COL25A1: variants seen among roughly 807,000 people sequenced by gnomAD.
COL25A1 encodes the protein collagen alpha-1(XXV) chain.
A neutral mutation model predicts 128.4 loss-of-function variants in COL25A1; 103 were observed. That is an observed-to-expected ratio of 0.80 (90% CI 0.68 to 0.94). The LOEUF (loss-of-function observed/expected upper bound fraction) is 0.94, where lower values mean the gene tolerates loss of function less well. Among genes scored for constraint, COL25A1 ranks in the 40% least tolerant of loss-of-function variants. The pLI, the probability that COL25A1 is intolerant of heterozygous loss-of-function variation, is 0.00. For synonymous variants in COL25A1, 279 were observed against 277.2 expected (o/e 1.01, Z -0.06); for missense variants, 745 against 840.0 (o/e 0.89, Z 1.40).
rs1771463151 is a variant in COL25A1 at position 109,151,143 on chromosome 4, T to C, written c.368-100964A>G. On this transcript the variant is annotated intron_variant, in intron 3 of 37. Transcript: ENST00000399132. ...AAAAACAGTATATACATTGTGAATA[T>C]ATAAAATGCACCTAAATTGCATGCT... 2.0e-5 allele frequency among the ~76,000 whole-genome samples: 3 copies of C among 152,268 alleles called. No individual in the cohort carries two copies. The South Asian group carries it at 6.2e-4, about 32-fold the overall frequency.
intron 3 of COL25A1, among the ~76,000 whole-genome samples, chr4:109,192,605 A>T (rs922215967): frequency 9.9e-5 from 15 of 152,228 alleles, no homozygotes; most frequent in Admixed American, 6.5e-5. Flanking sequence ...CTATAATCCC[A>T]GCACTTTGGG....
At chr4:108,819,189 G>T in intron 36 of COL25A1, 63 bp downstream of exon 36, 2 of 1,267,782 alleles carry the variant, frequency 1.6e-6, no homozygotes, top group Non-Finnish European at 2.2e-6. Context: ...TACACTGATA[G>T]AGATGAACAT....
At chr4:109,021,893 G>A (rs1035778051) in intron 5 of COL25A1, 2 of 366,222 alleles carry the variant, frequency 5.5e-6, no homozygotes, top group African/African-American at 2.1e-5. Context: ...GGAAACCCCA[G>A]CCCTGGTAAA....
At chr4:108,878,074 C>G (rs1739674925) in intron 19 of COL25A1, among the ~76,000 whole-genome samples, 1 of 152,034 alleles carries the variant, frequency 6.6e-6, no homozygotes, top group Non-Finnish European at 1.5e-5. Context: ...TCAGGTGTTT[C>G]TCTATAAACT....
At chr4:109,023,912 C>A (rs1376739209) in intron 5 of COL25A1, among the ~76,000 whole-genome samples, 1 of 152,134 alleles carries the variant, frequency 6.6e-6, no homozygotes, top group Non-Finnish European at 1.5e-5. Flanking sequence ...AGATTGATAA[C>A]CCTGTTGCTG....
At chr4:109,208,276 T>C (rs1777171849) in intron 3 of COL25A1, among the ~76,000 whole-genome samples, 1 of 152,140 alleles carries the variant, frequency 6.6e-6, no homozygotes, top group African/African-American at 2.4e-5. Flanking sequence ...ATCCGAGCAA[T>C]CCAGCACACC....
chr4:109,249,357 C>T (rs1409849827), intron 3 of COL25A1, among the ~76,000 whole-genome samples: 1 of 146,340 alleles, frequency 6.8e-6, no homozygotes, highest in East Asian at 2.2e-4. Flanking sequence ...TTACCCAGAA[C>T]ATAATGTAGT....
At chr4:109,018,390 A>C (rs893513400) in intron 5 of COL25A1, among the ~76,000 whole-genome samples, 1 of 152,044 alleles carries the variant, frequency 6.6e-6, no homozygotes, top group African/African-American at 2.4e-5. Context: ...ACTCCCAGAA[A>C]ATTTTTTATA....
intron 3 of COL25A1, among the ~76,000 whole-genome samples, chr4:109,242,306 T>C (rs968378407): frequency 6.6e-6 from 1 of 152,104 alleles, no homozygotes; most frequent in Non-Finnish European, 1.5e-5. Context: ...TTTAGCCCCA[T>C]TTTTTAAAGG....
rs1307194401 is a variant in COL25A1 at position 108,813,931 on chromosome 4, T to G, written c.1963-2A>C. ...ATGCTTGAAAGGTTAGATTCATCAC[T>G]GCAGAAAAAGACAACAAAAAGACAA... is the stretch of plus-strand genomic sequence containing the variant. On this transcript the variant is annotated splice_acceptor_variant, in intron 37 of 37. Transcript: ENST00000399132. LOFTEE classifies it high-confidence loss of function. The G allele has an allele frequency of 6.3e-7, 1 of 1,593,002 alleles. No homozygotes were observed. The highest frequency in any genetic ancestry group is 8.6e-7 in the Non-Finnish European group (1 of 1,162,576).
At chr4:109,048,653 C>T (rs17039710) in intron 4 of COL25A1, among the ~76,000 whole-genome samples, 1 of 152,054 alleles carries the variant, frequency 6.6e-6, no homozygotes, top group African/African-American at 2.4e-5. Flanking sequence ...TAGGTCCTCA[C>T]GTTTATGTAA....
intron 6 of COL25A1, among the ~76,000 whole-genome samples, chr4:108,989,129 T>G (rs1286829102): frequency 6.6e-6 from 1 of 152,238 alleles, no homozygotes; most frequent in Non-Finnish European, 1.5e-5. Context: ...TGCACTTTAT[T>G]CAGGGTCCTG....
At chr4:109,232,251 GCA>G (rs1779208408) in intron 3 of COL25A1, among the ~76,000 whole-genome samples, 1 of 152,002 alleles carries the variant, frequency 6.6e-6, no homozygotes, top group South Asian at 2.1e-4. Context: ...TAAGTCTTTG[GCA>G]CAATATACTT....
At chr4:108,971,560 G>A (rs1188164370) in intron 8 of COL25A1, among the ~76,000 whole-genome samples, 2 of 152,164 alleles carry the variant, frequency 1.3e-5, no homozygotes, top group Non-Finnish European at 2.9e-5. Context: ...CGAGTTGGGT[G>A]AAAGTGCAGT....
intron 11 of COL25A1, among the ~76,000 whole-genome samples, chr4:108,925,838 T>C (rs939513097): frequency 1.3e-5 from 2 of 152,092 alleles, no homozygotes; most frequent in Admixed American, 1.3e-4. Context: ...TCCATATGAA[T>C]ACAGCAAAGC....
intron 31 of COL25A1, among the ~76,000 whole-genome samples, chr4:108,836,550 T>A (rs116827817): frequency 0.033 from 5,029 of 152,086 alleles, 119 homozygotes; most frequent in Middle Eastern, 0.082. Context: ...TTTTTAAAAA[T>A]AAAGCGCTTG....
chr4:109,086,122 G>A (rs1764347167), intron 3 of COL25A1, among the ~76,000 whole-genome samples: 1 of 152,162 alleles, frequency 6.6e-6, no homozygotes, highest in South Asian at 2.1e-4. Flanking sequence ...CATTTTTTTA[G>A]AAGAAATTCA....
At chr4:108,831,940 C>A (rs989546223) in intron 32 of COL25A1, among the ~76,000 whole-genome samples, 6 of 152,092 alleles carry the variant, frequency 3.9e-5, no homozygotes, top group Non-Finnish European at 7.4e-5. Context: ...TGTAACTGTG[C>A]AGAAAAGAAT....
intron 3 of COL25A1, among the ~76,000 whole-genome samples, chr4:109,216,462 G>A (rs370061201): frequency 6.6e-6 from 1 of 152,084 alleles, no homozygotes. Flanking sequence ...TTTGGAAATG[G>A]TCTTTGTAGA....
Sources: gnomAD v4.1 joint callset for allele counts (sites outside exome capture counted in the v4.1 genomes callset) on GRCh38, gnomAD v4.1.1 for gene constraint, MANE v1.5 for transcripts, NCBI Gene and HGNC (gene_info 2026-07-23, HGNC 2026-07-21) for gene names.